The following AHNAK2 variants were observed in gnomAD, a reference collection of about 807,000 sequenced individuals.
AHNAK2 encodes protein AHNAK2.
AHNAK2 carries 18 observed loss-of-function variants against 30.7 expected under a neutral mutation model. The ratio of observed to expected loss-of-function variants is 0.59; its 90% CI spans 0.41 to 0.87. The LOEUF (loss-of-function observed/expected upper bound fraction) is 0.87, where lower values mean the gene tolerates loss of function less well. Ranked by LOEUF, AHNAK2 falls within the 40% of genes least tolerant of loss-of-function variation. AHNAK2 has a pLI of 0.00. For synonymous variants in AHNAK2, 3,590 were observed against 3,073.8 expected, an observed-to-expected ratio of 1.17 and a Z score of -5.56; for missense variants, 8,604 against 7,373.0, an observed-to-expected ratio of 1.17 and a Z score of -6.11.
At chr14:104,976,633 G>C (rs1045042079) in intron 1 of AHNAK2, among the ~76,000 whole-genome samples, 1 of 152,188 alleles carries the variant, frequency 6.6e-6, no homozygotes, top group African/African-American at 2.4e-5. Context: ...CCCTAAGAGC[G>C]GATGGTTCCG....
intron 4 of AHNAK2, among the ~76,000 whole-genome samples, chr14:104,956,141 A>C: frequency 6.6e-6 from 1 of 152,180 alleles, no homozygotes; most frequent in East Asian, 1.9e-4. Context: ...TGGGGCCTCC[A>C]AGGAAAAAAA....
Position 104,947,678 on chromosome 14 carries a change from G to A in AHNAK2, c.7773C>T (p.Pro2591=). Reference sequence around the variant, plus strand: ...CCTTGGGGCCTTTCAGGTCCAGCTTGGGGCCCTTGACATCTAGCTGGGGGC... The same window carrying A: ...CCTTGGGGCCTTTCAGGTCCAGCTTAGGGCCCTTGACATCTAGCTGGGGGC... The part of the protein sequence containing the change: ...LKGPQLDVKG[P]KLDLKGPKAE... Residue 2591 remains proline (P), a synonymous_variant, in exon 7 of 7, where the codon CCC becomes CCT. Coordinates refer to ENST00000333244, the MANE Select transcript of AHNAK2 (RefSeq NM_138420.4). 3.1e-6 allele frequency: 5 copies of A among 1,612,976 alleles called. No homozygotes were observed. The highest frequency in any genetic ancestry group is 4.2e-6 in the Non-Finnish European group (5 of 1,179,616).
intron 4 of AHNAK2, among the ~76,000 whole-genome samples, chr14:104,956,141 A>G (rs1045317964): frequency 5.3e-5 from 8 of 152,180 alleles, no homozygotes; most frequent in Non-Finnish European, 1.0e-4. Context: ...TGGGGCCTCC[A>G]AGGAAAAAAA....
rs200799955 is a variant in AHNAK2 at position 104,945,001 on chromosome 14, C to G, written c.10450G>C (p.Gly3484Arg). The G allele has an allele frequency of 8.7e-6, 14 of 1,610,852 alleles. No homozygotes were observed. The African/African-American group carries it at 1.8e-4, about 20-fold the overall frequency. The change falls in exon 7 of 7, where the codon GGG (glycine) becomes CGG (arginine). Residue 3484 changes from glycine to arginine, a missense_variant. Coordinates refer to ENST00000333244, the MANE Select transcript of AHNAK2 (RefSeq NM_138420.4). ...ATGGACCTGCCTGGGGCCGACACCC[C>G]GAAGGAGGGCATCTTGAACTTGGGC... ...KMPKFKMPSF[G>R]VSAPGRSIEA...
At chr14:104,967,242 G>A (rs1363019451) in intron 1 of AHNAK2, among the ~76,000 whole-genome samples, 1 of 152,234 alleles carries the variant, frequency 6.6e-6, no homozygotes, top group Non-Finnish European at 1.5e-5. Flanking sequence ...GCTGGCAGGA[G>A]CCTGGATGGG....
intron 1 of AHNAK2, among the ~76,000 whole-genome samples, chr14:104,961,300 G>A (rs2140874894): frequency 6.6e-6 from 1 of 151,728 alleles, no homozygotes; most frequent in South Asian, 2.1e-4. Context: ...GGATCACGAG[G>A]TCAGGAGATC....
intron 1 of AHNAK2, among the ~76,000 whole-genome samples, chr14:104,967,475 T>C (rs571267109): frequency 2.2e-4 from 34 of 152,264 alleles, no homozygotes; most frequent in African/African-American, 7.2e-4. Context: ...CAGCAAGCCC[T>C]GGGCACACCC....
chr14:104,954,117 C>G lies in AHNAK2; in HGVS notation c.1334G>C (p.Gly445Ala). The change falls in exon 7 of 7, where the codon GGA becomes GCA. Residue 445 changes from glycine to alanine, a missense_variant. Coordinates refer to ENST00000333244, the MANE Select transcript of AHNAK2 (RefSeq NM_138420.4). This position sits in a 1 kb window ranked among gnomAD's most constrained non-coding sequence, Gnocchi z 4.3. ...QRKPRAQPTP[G>A]MSREGEGEGL... Reference sequence around the variant, plus strand: ...CTCGCCTTCACCCTCCCGGCTCATTCCAGGAGTTGGCTGGGCCCTGGGCTT... The same window carrying G: ...CTCGCCTTCACCCTCCCGGCTCATTGCAGGAGTTGGCTGGGCCCTGGGCTT... 6.2e-7 allele frequency: 1 copy of G among 1,612,236 alleles called. No individual in the cohort carries two copies. The highest frequency in any genetic ancestry group is 8.5e-7 in the Non-Finnish European group (1 of 1,179,872).
At position 104,951,300 on chromosome 14, in the gene AHNAK2, T is replaced by A; in HGVS notation, c.4151A>T (p.Asp1384Val). 2 of 1,060,824 alleles carry A rather than the reference T, an allele frequency of 1.9e-6. 1 individual carries two copies. The highest frequency in any genetic ancestry group is 2.7e-6 in the Non-Finnish European group (2 of 731,712). The allele number at this position is 1,060,824 out of a possible 1,614,324, so 65.7% of individuals were successfully genotyped here. ...CAATTGGCCAGCCTGGAGCTCCAGG[T>A]CAGTGGAAGGGGGCTGAATGCTGAG... ...TDLSIQPPST[D>V]LELQAGQLDV... The change falls in exon 7 of 7, where the codon GAC becomes GTC. Residue 1384 changes from aspartate (D) to valine (V), a missense_variant. Asp to Val is a radical substitution (Grantham distance 152, BLOSUM62 -3). Coordinates refer to ENST00000333244, the MANE Select transcript of AHNAK2 (RefSeq NM_138420.4).
At position 104,948,049 on chromosome 14, in the gene AHNAK2, C is replaced by T; in HGVS notation, c.7402G>A (p.Asp2468Asn). The stretch of plus-strand genomic sequence containing the variant: ...ACATCCTTGTCCGCCACAGACAGGT[C>T]CCCCTCCAGCCACGCACCATCCAGC... ...AKLDGAWLEG[D>N]LSVADKDVTT... The change falls in exon 7 of 7, where the codon GAC (aspartate) becomes AAC (asparagine). Residue 2468 changes from aspartate to asparagine, a missense_variant. Asp to Asn is a conservative substitution (Grantham distance 23). Transcript: ENST00000333244. The T allele has an allele frequency of 1.2e-6, 2 of 1,612,922 alleles. No individual in the cohort carries two copies. Among genetic ancestry groups the T allele is most frequent in the South Asian group, 1.1e-5 (1 of 91,066 alleles).
chr14:104,952,025 A>C lies in AHNAK2; in HGVS notation c.3426T>G (p.Ser1142Arg), dbSNP rs572631455. The change falls in exon 7 of 7, where the codon AGT becomes AGG. Residue 1142 changes from serine to arginine, a missense_variant. Ser to Arg is a moderately radical substitution (Grantham distance 110). Coordinates refer to ENST00000333244, the MANE Select transcript of AHNAK2 (RefSeq NM_138420.4). The stretch of plus-strand genomic sequence containing the variant: ...GGGACAGTTCCCCCTCCAGCCGCGC[A>C]CTGTCCAGCTTGGCTCCCGGGGCCT... The part of the protein sequence containing the change: ...DVEAPGAKLD[S>R]ARLEGELSLA... The C allele has an allele frequency of 6.3e-5, 101 of 1,610,930 alleles. No individual in the cohort carries two copies. The East Asian group carries it at 2.1e-3, about 34-fold the overall frequency.
At chr14:104,965,321 A>G (rs1024442284) in intron 1 of AHNAK2, among the ~76,000 whole-genome samples, 6 of 150,870 alleles carry the variant, frequency 4.0e-5, no homozygotes, top group African/African-American at 1.5e-4. Flanking sequence ...GAATCACTTG[A>G]ACCCAGAAGG....
At position 104,943,504 on chromosome 14, in the gene AHNAK2, G is replaced by C. The variant is rs770797613; in HGVS notation, c.11947C>G (p.Pro3983Ala). The C allele has an allele frequency of 6.2e-7, 1 of 1,613,098 alleles. No homozygotes were observed. Among genetic ancestry groups the C allele is most frequent in the South Asian group, 1.1e-5 (1 of 91,028 alleles). ...ACTGATGCCTCCATGGACTTGCCTGGGGCAGACACCCCGAACGACGGCATC... is the reference window on the plus strand; with the variant it reads ...ACTGATGCCTCCATGGACTTGCCTGCGGCAGACACCCCGAACGACGGCATC... ...FKMPSFGVSA[P>A]GKSMEASVDV... is the part of the protein sequence containing the mutation. Residue 3983 changes from proline to alanine, a missense_variant, in exon 7 of 7, where the codon CCA becomes GCA. Transcript: ENST00000333244.
At chr14:104,959,018 A>G (rs1899058031) in intron 1 of AHNAK2, among the ~76,000 whole-genome samples, 2 of 152,174 alleles carry the variant, frequency 1.3e-5, no homozygotes, top group South Asian at 4.1e-4. Flanking sequence ...ATTTGATATC[A>G]AGCAACCTAT....
Position 104,950,144 on chromosome 14 carries a change from G to C in AHNAK2, c.5307C>G (p.Asp1769Glu), listed in dbSNP as rs369395248. 4 of 1,586,264 alleles carry C rather than the reference G, an allele frequency of 2.5e-6. 1 individual carries two copies. Among genetic ancestry groups the C allele is most frequent in the Non-Finnish European group, 3.4e-6 (4 of 1,162,896 alleles). Residue 1769 changes from aspartate to glutamate, a missense_variant, in exon 7 of 7, where the codon GAC becomes GAG. Coordinates refer to ENST00000333244, the MANE Select transcript of AHNAK2 (RefSeq NM_138420.4). Reference sequence around the variant, plus strand: ...TCACCTCCGCCTTGGGGCCTTTCAGGTCCAGCTTGGGGCCCTTGACGTCCA... The same window carrying C: ...TCACCTCCGCCTTGGGGCCTTTCAGCTCCAGCTTGGGGCCCTTGACGTCCA... ...PQMDVKGPKL[D>E]LKGPKAEVMA...
Position 104,942,096 on chromosome 14 carries a change from G to A in AHNAK2, c.13355C>T (p.Ala4452Val), listed in dbSNP as rs750091834. 6 of 1,613,252 alleles carry A rather than the reference G, an allele frequency of 3.7e-6. No homozygotes were observed. The South Asian group carries it at 5.5e-5, about 15-fold the overall frequency. ...STRLEGDLSL[A>V]DKDVTAKDSK... ...GTCTTTGGCAGTCACGTCCTTGTCA[G>A]CCAGGGACAGGTCCCCCTCCAGCCG... Residue 4452 changes from alanine (A) to valine (V), a missense_variant, in exon 7 of 7, where the codon GCT becomes GTT. Physicochemically the swap from Ala to Val is moderately conservative, Grantham distance 64. Coordinates refer to ENST00000333244, the MANE Select transcript of AHNAK2 (RefSeq NM_138420.4).
chr14:104,956,476 G>T, intron 4 of AHNAK2, 112 bp downstream of exon 4: 1 of 1,077,876 alleles, frequency 9.3e-7, no homozygotes. Context: ...AGGGCACGGG[G>T]CACACTGCCA....
In AHNAK2 at chr14:104,951,929, C is replaced by A; in HGVS notation, c.3522G>T (p.Gly1174=). The change falls in exon 7 of 7, where the codon GGG becomes GGT. Residue 1174 remains glycine, a synonymous_variant. Transcript: ENST00000333244. ...KMPKFKMPSF[G]ASAPGKSIEA... ...CGATGGACTTGCCTGGGGCTGACGC[C>A]CCGAACGATGGCATCTTGAACTTGG... 1 of 1,610,436 alleles carries A rather than the reference C, an allele frequency of 6.2e-7. No individual in the cohort carries two copies. The highest frequency in any genetic ancestry group is 8.5e-7 in the Non-Finnish European group (1 of 1,178,666).
chr14:104,951,390 G>C lies in AHNAK2; in HGVS notation c.4061C>G (p.Ser1354Cys), dbSNP rs375730393. The change falls in exon 7 of 7, where the codon TCT (serine) becomes TGT (cysteine). Residue 1354 changes from serine to cysteine, a missense_variant. Physicochemically the swap from Ser to Cys is moderately radical, Grantham distance 112. Transcript: ENST00000333244. ...CATGTCGGCCTCCACCTTGGGTGCA[G>C]ACAGGTCCACGGAGGCCTCAATGGA... The part of the protein sequence containing the change: ...GKSIEASVDL[S>C]APKVEADMSL... 9.2e-7 allele frequency: 1 copy of C among 1,090,218 alleles called. No homozygotes were observed. Among genetic ancestry groups the C allele is most frequent in the African/African-American group, 1.4e-5 (1 of 69,708 alleles). 67.5% of individuals were successfully genotyped at this position (1,090,218 alleles called of 1,614,324 possible).
Sources: gnomAD v4.1 joint callset for allele counts (sites outside exome capture counted in the v4.1 genomes callset) on GRCh38, gnomAD v4.1.1 for gene constraint, Gnocchi (gnomAD v3.1) non-coding constraint, MANE v1.5 for transcripts, NCBI Gene and HGNC (gene_info 2026-07-23, HGNC 2026-07-21) for gene names.